The following NDUFAF2 variants were observed in gnomAD, a reference collection of about 807,000 sequenced individuals.
NDUFAF2 encodes NADH dehydrogenase [ubiquinone] 1 alpha subcomplex assembly factor 2.
Under a neutral mutation model 22.8 loss-of-function variants are expected in NDUFAF2, and 13 were observed. The observed-to-expected ratio is 0.57, with a 90% confidence interval of 0.37 to 0.91. The LOEUF (loss-of-function observed/expected upper bound fraction) is 0.91. Among genes scored for constraint, NDUFAF2 ranks in the 40% least tolerant of loss-of-function variants. The probability of loss-of-function intolerance (pLI) is 0.01; values close to 1 mark genes in which losing one functional copy is unlikely to be tolerated. For missense variants in NDUFAF2, 162 were observed against 195.2 expected, an observed-to-expected ratio of 0.83 and a Z score of 1.01; for synonymous variants, 53 against 64.2, an observed-to-expected ratio of 0.83 and a Z score of 0.84.
chr5:61,001,375 T>C (rs1751293185), intron 1 of NDUFAF2, among the ~76,000 whole-genome samples: 1 of 152,174 alleles, frequency 6.6e-6, no homozygotes, highest in East Asian at 1.9e-4. Context: ...CCTGTACAAC[T>C]TTTATTTCTG....
At chr5:61,091,963 A>G (rs564042799) in intron 2 of NDUFAF2, among the ~76,000 whole-genome samples, 2 of 151,918 alleles carry the variant, frequency 1.3e-5, no homozygotes, top group African/African-American at 4.8e-5. Flanking sequence ...TTCTTTCCCC[A>G]TTGCTTGTTT....
chr5:60,967,487 C>A (rs972627767), intron 1 of NDUFAF2, among the ~76,000 whole-genome samples: 1 of 151,576 alleles, frequency 6.6e-6, no homozygotes, highest in Non-Finnish European at 1.5e-5. Context: ...TCATATATGG[C>A]CTTTATTGCA....
intron 1 of NDUFAF2, among the ~76,000 whole-genome samples, chr5:61,010,725 TAAG>T (rs1751432940): frequency 6.6e-6 from 1 of 152,170 alleles, no homozygotes; most frequent in Non-Finnish European, 1.5e-5. Context: ...CTTTCAGTAA[TAAG>T]AACTCTAATT....
At chr5:61,102,149 A>T (rs1225148177) in intron 3 of NDUFAF2, among the ~76,000 whole-genome samples, 3 of 152,174 alleles carry the variant, frequency 2.0e-5, no homozygotes, top group Non-Finnish European at 2.9e-5. Context: ...ACCATGTCAG[A>T]CTTTTTTGAT....
At chr5:61,086,434 A>G (rs545440025) in intron 2 of NDUFAF2, among the ~76,000 whole-genome samples, 1 of 152,288 alleles carries the variant, frequency 6.6e-6, no homozygotes, top group South Asian at 2.1e-4. Flanking sequence ...GTGGTTTGGT[A>G]CTGATGTAAG....
chr5:61,080,634 A>G (rs1044167557), intron 2 of NDUFAF2, among the ~76,000 whole-genome samples: 1 of 152,048 alleles, frequency 6.6e-6, no homozygotes, highest in Non-Finnish European at 1.5e-5. Context: ...TCATGAACTT[A>G]TTTGCCATCT....
At chr5:61,083,963 T>C (rs1752475618) in intron 2 of NDUFAF2, among the ~76,000 whole-genome samples, 1 of 151,794 alleles carries the variant, frequency 6.6e-6, no homozygotes, top group Admixed American at 6.6e-5. Context: ...CTTTGTTTTT[T>C]CTTGCCTTAC....
At chr5:61,064,283 A>C (rs1487164833) in intron 1 of NDUFAF2, among the ~76,000 whole-genome samples, 1 of 152,160 alleles carries the variant, frequency 6.6e-6, no homozygotes, top group Admixed American at 6.6e-5. Context: ...AATAGATAGC[A>C]ATACTATAAG....
chr5:61,067,009 G>C (rs528826762), intron 1 of NDUFAF2, among the ~76,000 whole-genome samples: 4 of 152,094 alleles, frequency 2.6e-5, no homozygotes, highest in Admixed American at 1.3e-4. Flanking sequence ...CAAATCTAGA[G>C]ATCTAATGTT....
chr5:61,021,389 A>G (rs1216076122), intron 1 of NDUFAF2, among the ~76,000 whole-genome samples: 1 of 151,790 alleles, frequency 6.6e-6, no homozygotes, highest in Non-Finnish European at 1.5e-5. Flanking sequence ...CTTCCCTCAC[A>G]TTTTCTGTAA....
rs745774856 is a variant in NDUFAF2 at position 61,040,280 on chromosome 5, A to ACG, written c.128-32844_128-32843insGC. 7.8e-4 allele frequency among the ~76,000 whole-genome samples: 89 copies of ACG among 114,654 alleles called. 1 individual carries two copies. Among genetic ancestry groups the ACG allele is most frequent in the Non-Finnish European group, 1.0e-3 (53 of 52,250 alleles). 75.2% of individuals were successfully genotyped at this position (114,654 alleles called of 152,430 possible). On this transcript the variant is annotated intron_variant, in intron 1 of 3. Transcript: ENST00000296597. ...CACACACACACACACACACACACAC[A>ACG]CACACACGCGCGCGCGCGCGCGAAA...
intron 1 of NDUFAF2, among the ~76,000 whole-genome samples, chr5:60,972,303 T>C (rs185859724): frequency 4.0e-5 from 6 of 151,888 alleles, no homozygotes; most frequent in African/African-American, 1.4e-4. Context: ...CCCACTCAAA[T>C]CTCACCTTTA....
chr5:61,094,017 A>G (rs1312951970), intron 2 of NDUFAF2, among the ~76,000 whole-genome samples: 3 of 152,022 alleles, frequency 2.0e-5, no homozygotes, highest in Non-Finnish European at 2.9e-5. Flanking sequence ...GAATTTATCA[A>G]TTTCTTCTAG....
intron 1 of NDUFAF2, among the ~76,000 whole-genome samples, chr5:60,977,787 A>G (rs1750921348): frequency 6.6e-6 from 1 of 150,442 alleles, no homozygotes; most frequent in South Asian, 2.1e-4. Flanking sequence ...CAGTGAGCCA[A>G]GATCGTGACA....
intron 3 of NDUFAF2, among the ~76,000 whole-genome samples, chr5:61,102,332 G>A (rs1365702337): frequency 6.6e-6 from 1 of 152,078 alleles, no homozygotes; most frequent in African/African-American, 2.4e-5. Context: ...AGGATACTGG[G>A]TAAATAAATC....
intron 1 of NDUFAF2, among the ~76,000 whole-genome samples, chr5:61,056,359 G>A (rs372652145): frequency 1.9e-4 from 29 of 152,042 alleles, no homozygotes; most frequent in African/African-American, 7.0e-4. Flanking sequence ...TGAATAAGTA[G>A]GTAAAAATTG....
intron 1 of NDUFAF2, among the ~76,000 whole-genome samples, chr5:61,064,296 T>C (rs1486163403): frequency 6.6e-6 from 1 of 151,938 alleles, no homozygotes; most frequent in Non-Finnish European, 1.5e-5. Context: ...ACTATAAGAG[T>C]AGGAGACTTT....
chr5:61,053,674 G>T lies in NDUFAF2; in HGVS notation c.128-19451G>T, dbSNP rs531658346. Among the ~76,000 whole-genome samples the T allele has an allele frequency of 1.1e-3, 161 of 152,274 alleles. 2 individuals carry two copies. Among genetic ancestry groups the T allele is most frequent in the Non-Finnish European group, 1.7e-3 (113 of 68,016 alleles). Reference sequence around the variant, plus strand: ...AACATTCCTACCTCTAAGTAGAAGGGTGATAGTCCCACACAACCCCATGGA... The same window carrying T: ...AACATTCCTACCTCTAAGTAGAAGGTTGATAGTCCCACACAACCCCATGGA... On this transcript the variant is annotated intron_variant, in intron 1 of 3. Coordinates refer to ENST00000296597, the MANE Select transcript of NDUFAF2 (RefSeq NM_174889.5).
At chr5:61,040,644 C>T (rs1364885832) in intron 1 of NDUFAF2, among the ~76,000 whole-genome samples, 1 of 151,946 alleles carries the variant, frequency 6.6e-6, no homozygotes, top group African/African-American at 2.4e-5. Context: ...TCATTCTATA[C>T]CTGATTTCAG....
Sources: gnomAD v4.1 joint callset for allele counts (sites outside exome capture counted in the v4.1 genomes callset) on GRCh38, gnomAD v4.1.1 for gene constraint, MANE v1.5 for transcripts, NCBI Gene and HGNC (gene_info 2026-07-23, HGNC 2026-07-21) for gene names.